The following SLC4A10 variants were observed in gnomAD, a reference collection of about 807,000 sequenced individuals.
The protein encoded by SLC4A10 is sodium-driven chloride bicarbonate exchanger.
A neutral mutation model predicts 137.7 loss-of-function variants in SLC4A10; 42 were observed. That is an observed-to-expected ratio of 0.30 (90% CI 0.24 to 0.39). SLC4A10 has a LOEUF of 0.39. Among genes scored for constraint, SLC4A10 ranks in the 10% least tolerant of loss-of-function variants. The probability of loss-of-function intolerance (pLI) is 1.00; values close to 1 mark genes in which losing one functional copy is unlikely to be tolerated. For missense variants in SLC4A10, 925 were observed against 1,355.0 expected (o/e 0.68, Z 4.98); for synonymous variants, 474 against 464.1 (o/e 1.02, Z -0.27).
intron 3 of SLC4A10, among the ~76,000 whole-genome samples, chr2:161,837,154 GA>G (rs1355029810): frequency 6.6e-6 from 1 of 151,966 alleles, no homozygotes; most frequent in African/African-American, 2.4e-5. Context: ...GCTTGGAAAG[GA>G]AAAAATAAAA....
At chr2:161,798,654 T>C (rs2055040934) in intron 2 of SLC4A10, among the ~76,000 whole-genome samples, 1 of 151,700 alleles carries the variant, frequency 6.6e-6, no homozygotes, top group Non-Finnish European at 1.5e-5. Flanking sequence ...GTACAAACCT[T>C]TGATTTTCTT....
chr2:161,674,151 A>G (rs527812235), intron 1 of SLC4A10, among the ~76,000 whole-genome samples: 1 of 152,292 alleles, frequency 6.6e-6, no homozygotes, highest in Admixed American at 6.5e-5. Flanking sequence ...GTCAACTCCT[A>G]AGAAGGCAGT....
intron 1 of SLC4A10, among the ~76,000 whole-genome samples, chr2:161,706,888 C>A (rs957264269): frequency 6.6e-6 from 1 of 151,574 alleles, no homozygotes; most frequent in Non-Finnish European, 1.5e-5. Context: ...ACTTTTAATT[C>A]TTCAGTTATA....
In SLC4A10 at chr2:161,894,766, C is replaced by T; in HGVS notation, c.1282C>T (p.Pro428Ser). The stretch of plus-strand genomic sequence containing the variant: ...GTTTCTGGATCAGGTTACTGTTCTC[C>T]CTCCTGGAGAATGGGATCCAAGCAT... ...DEFLDQVTVL[P>S]PGEWDPSIRI... is the part of the protein sequence containing the mutation. The change falls in exon 11 of 27, where the codon CCT (proline) becomes TCT (serine). Residue 428 changes from proline (P) to serine (S), a missense_variant. Pro to Ser is a moderately conservative substitution (Grantham distance 74, BLOSUM62 -1). Around this residue, in one of 11 missense-constraint regions of SLC4A10, gnomAD observed 15 missense variants for 49.1 expected, o/e 0.31. Transcript: ENST00000446997. 7.0e-7 allele frequency: 1 copy of T among 1,428,350 alleles called. No individual in the cohort carries two copies. The highest frequency in any genetic ancestry group is 9.3e-7 in the Non-Finnish European group (1 of 1,080,514). The allele number at this position is 1,428,350 out of a possible 1,614,324, so 88.5% of individuals were successfully genotyped here.
chr2:161,822,418 C>G (rs1233526573), intron 3 of SLC4A10, among the ~76,000 whole-genome samples: 2 of 152,304 alleles, frequency 1.3e-5, no homozygotes, highest in East Asian at 3.9e-4. Flanking sequence ...ATGACTATGT[C>G]TGCTCACACT....
intron 1 of SLC4A10, among the ~76,000 whole-genome samples, chr2:161,698,895 C>G (rs2042839761): frequency 6.6e-6 from 1 of 152,122 alleles, no homozygotes; most frequent in Non-Finnish European, 1.5e-5. Flanking sequence ...AGCAGCTCCT[C>G]CTTGTACCTC....
At chr2:161,688,008 G>T (rs193232147) in intron 1 of SLC4A10, among the ~76,000 whole-genome samples, 2 of 152,270 alleles carry the variant, frequency 1.3e-5, no homozygotes, top group East Asian at 3.9e-4. Flanking sequence ...AAGACACATG[G>T]CAGGCAATGT....
chr2:161,898,060 T>C (rs1302945512), intron 11 of SLC4A10, among the ~76,000 whole-genome samples: 1 of 152,106 alleles, frequency 6.6e-6, no homozygotes, highest in Non-Finnish European at 1.5e-5. Flanking sequence ...GAGGCAGTCA[T>C]AGAAAGAACA....
At chr2:161,850,663 C>A (rs1348562108) in intron 4 of SLC4A10, among the ~76,000 whole-genome samples, 1 of 151,936 alleles carries the variant, frequency 6.6e-6, no homozygotes, top group Non-Finnish European at 1.5e-5. Flanking sequence ...AGAGCCAAGT[C>A]TTGGTTTTGT....
chr2:161,785,993 A>G (rs1339499148), intron 2 of SLC4A10, among the ~76,000 whole-genome samples: 1 of 151,834 alleles, frequency 6.6e-6, no homozygotes, highest in African/African-American at 2.4e-5. Flanking sequence ...TGCTTTAATG[A>G]TCTGTCTAGT....
At chr2:161,840,368 T>C (rs926900293) in intron 4 of SLC4A10, among the ~76,000 whole-genome samples, 1 of 152,204 alleles carries the variant, frequency 6.6e-6, no homozygotes, top group African/African-American at 2.4e-5. Context: ...AGGATAAAAA[T>C]AATTTGTAAT....
At chr2:161,702,233 A>G (rs1050369699) in intron 1 of SLC4A10, among the ~76,000 whole-genome samples, 1 of 151,966 alleles carries the variant, frequency 6.6e-6, no homozygotes, top group Non-Finnish European at 1.5e-5. Context: ...AAAGAATAAA[A>G]TCCTGTCATT....
At chr2:161,785,935 A>G (rs1167464635) in intron 2 of SLC4A10, among the ~76,000 whole-genome samples, 1 of 151,980 alleles carries the variant, frequency 6.6e-6, no homozygotes, top group African/African-American at 2.4e-5. Flanking sequence ...TATTAGGTCC[A>G]TTTGGTCAAG....
At chr2:161,708,513 A>C (rs769133633) in intron 1 of SLC4A10, among the ~76,000 whole-genome samples, 3 of 151,612 alleles carry the variant, frequency 2.0e-5, no homozygotes, top group African/African-American at 7.2e-5. Flanking sequence ...GAATTGCTCT[A>C]AGCAGTAAGC....
At chr2:161,767,275 T>C (rs1200843803) in intron 1 of SLC4A10, among the ~76,000 whole-genome samples, 11 of 144,636 alleles carry the variant, frequency 7.6e-5, no homozygotes, top group African/African-American at 2.8e-4. Context: ...TTCACAGACA[T>C]GAGCATTTTT....
At chr2:161,755,386 G>A (rs762501153) in intron 1 of SLC4A10, among the ~76,000 whole-genome samples, 3 of 152,168 alleles carry the variant, frequency 2.0e-5, no homozygotes, top group Non-Finnish European at 4.4e-5. Context: ...AGAAATAGAA[G>A]CTGTGTTGTG....
chr2:161,915,951 G>A lies in SLC4A10; in HGVS notation c.1997+10064G>A, dbSNP rs138431127. ...TTGACCTAAGTGCTATCATATAAAG[G>A]TATATGATGCCAAGAGAGTGAGAAA... On this transcript the variant is annotated intron_variant, in intron 15 of 26. Coordinates refer to ENST00000446997, the MANE Select transcript of SLC4A10 (RefSeq NM_001178015.2). Among the ~76,000 whole-genome samples, 346 of 152,204 alleles carry A rather than the reference G, an allele frequency of 2.3e-3. 1 individual carries two copies. Among genetic ancestry groups the A allele is most frequent in the African/African-American group, 7.7e-3 (321 of 41,522 alleles).
intron 4 of SLC4A10, 51 bp from the exon 5 acceptor site, chr2:161,854,919 C>T (rs2060018856): frequency 6.7e-7 from 1 of 1,491,066 alleles, no homozygotes; most frequent in Non-Finnish European, 9.0e-7. Context: ...TATAAAGGAT[C>T]ATTAACCTAC....
chr2:161,678,321 G>A (rs2040481341), intron 1 of SLC4A10, among the ~76,000 whole-genome samples: 1 of 152,052 alleles, frequency 6.6e-6, no homozygotes, highest in African/African-American at 2.4e-5. Flanking sequence ...TAAAAACTTG[G>A]CCATTTTTGC....
Sources: gnomAD v4.1 joint callset for allele counts (sites outside exome capture counted in the v4.1 genomes callset) on GRCh38, gnomAD v4.1.1 for gene constraint, gnomAD v4.1.1 regional missense constraint, MANE v1.5 for transcripts, NCBI Gene and HGNC (gene_info 2026-07-23, HGNC 2026-07-21) for gene names.